The following FGF13 variants were observed in gnomAD, a reference collection of about 807,000 sequenced individuals.
FGF13 encodes fibroblast growth factor 13.
A neutral mutation model predicts 19.5 loss-of-function variants in FGF13; 2 were observed. The ratio of observed to expected loss-of-function variants is 0.10; its 90% CI spans 0.04 to 0.32. The LOEUF is 0.32. Among genes scored for constraint, FGF13 ranks in the 10% least tolerant of loss-of-function variants. The pLI, the probability that FGF13 is intolerant of heterozygous loss-of-function variation, is 1.00. For synonymous variants in FGF13, 72 were observed against 76.9 expected, an observed-to-expected ratio of 0.94 and a Z score of 0.33; for missense variants, 113 against 192.7, an observed-to-expected ratio of 0.59 and a Z score of 2.45.
intron 1 of FGF13, among the ~76,000 whole-genome samples, chrX:138,918,164 C>CAAG (rs1556298426): frequency 9.9e-6 from 1 of 101,330 alleles, no homozygotes; most frequent in Non-Finnish European, 2.0e-5. Context: ...AAACAGAAGA[C>CAAG]AAAAAAAAAA....
intron 1 of FGF13, among the ~76,000 whole-genome samples, chrX:138,923,554 C>T (rs5976224): frequency 0.023 from 2,605 of 111,937 alleles, 71 homozygotes; most frequent in African/African-American, 0.079. Context: ...TGCATTTTCA[C>T]TGAATGAATG....
rs1323914944 is a variant in FGF13, at chrX:138,903,811, C to G, written c.-112-39161G>C. On this transcript the variant is annotated intron_variant, in intron 1 of 2. Coordinates refer to the FGF13 transcript ENST00000421460. Reference sequence around the variant, plus strand: ...ATTTGCTCTGTTTATTTCACATATTCTTTCTCCCCCAAAATAGAGTATTCT... The same window carrying G: ...ATTTGCTCTGTTTATTTCACATATTGTTTCTCCCCCAAAATAGAGTATTCT... Among the ~76,000 whole-genome samples the G allele has an allele frequency of 1.3e-4, 14 of 111,703 alleles. No individual in the cohort carries two copies. In the Admixed American group the frequency reaches 1.3e-3, roughly 11 times the overall value.
chrX:139,044,501 A>G (rs2092280447), intron 1 of FGF13, among the ~76,000 whole-genome samples: 1 of 111,611 alleles, frequency 9.0e-6, no homozygotes, highest in Non-Finnish European at 1.9e-5. Flanking sequence ...CTCCAGCATT[A>G]GGGCTTACAA....
intron 1 of FGF13, among the ~76,000 whole-genome samples, chrX:139,047,554 A>C (rs1233217523): frequency 8.9e-6 from 1 of 111,881 alleles, no homozygotes; most frequent in Non-Finnish European, 1.9e-5. Context: ...CATGCTGTAC[A>C]ATACATCTCC....
intron 3 of FGF13, among the ~76,000 whole-genome samples, chrX:138,824,072 T>C (rs1216843477): frequency 2.7e-5 from 3 of 111,917 alleles, no homozygotes; most frequent in Non-Finnish European, 1.9e-5. Flanking sequence ...GGAAGACTGA[T>C]TGAGATCAAG....
chrX:138,925,508 T>C lies in FGF13; in HGVS notation c.-112-60858A>G, dbSNP rs145544566. 4.1e-3 allele frequency among the ~76,000 whole-genome samples: 463 copies of C among 111,718 alleles called. 1 individual carries two copies. The highest frequency in any genetic ancestry group is 0.014 in the African/African-American group (437 of 30,719). On this transcript the variant is annotated intron_variant, in intron 1 of 2. Transcript: ENST00000421460. Reference sequence around the variant, plus strand: ...GACTCTTTACGGAGCTCTCTGACAGTGCTAATTTTAACCAAGTCATTGTGA... The same window carrying C: ...GACTCTTTACGGAGCTCTCTGACAGCGCTAATTTTAACCAAGTCATTGTGA...
chrX:139,053,765 C>G (rs1406829475), intron 1 of FGF13, among the ~76,000 whole-genome samples: 1 of 111,648 alleles, frequency 9.0e-6, no homozygotes, highest in Non-Finnish European at 1.9e-5. Flanking sequence ...TTAAGTAAGT[C>G]CCAACTATTT....
At chrX:138,787,392 G>T (rs902275174) in intron 3 of FGF13, among the ~76,000 whole-genome samples, 2 of 112,006 alleles carry the variant, frequency 1.8e-5, no homozygotes, top group African/African-American at 6.5e-5. Context: ...ATTTCTCATA[G>T]TTCTTGAGGC....
intron 3 of FGF13, among the ~76,000 whole-genome samples, chrX:138,745,847 G>A (rs1415939101): frequency 9.0e-6 from 1 of 111,464 alleles, no homozygotes; most frequent in African/African-American, 3.3e-5. Flanking sequence ...CCTGCAGAAG[G>A]CAATCAGTGC....
chrX:138,622,983 T>G lies in FGF13; in HGVS notation c.*9867A>C, dbSNP rs1359663204. ...TATTTTATAGTTTTTAATATAAAGA[T>G]CTTTCACCTCCTTTGCTAAATTTAT... On this transcript the variant is annotated 3_prime_UTR_variant, in exon 5 of 5. Transcript: ENST00000315930. 8.9e-6 allele frequency: 1 copy of G among 112,199 alleles called. No homozygotes were observed. Among genetic ancestry groups the G allele is most frequent in the African/African-American group, 3.2e-5 (1 of 30,896 alleles). The allele number at this position is 112,199 out of a possible 1,213,427, so 9.2% of individuals were successfully genotyped here.
intron 3 of FGF13, among the ~76,000 whole-genome samples, chrX:138,649,697 A>G (rs748544823): frequency 4.4e-5 from 5 of 112,407 alleles, no homozygotes; most frequent in East Asian, 5.6e-4. Flanking sequence ...GTGCTGGTTT[A>G]TATCAACTAA....
chrX:139,149,168 T>C (rs902708630), intron 1 of FGF13, among the ~76,000 whole-genome samples: 1 of 111,990 alleles, frequency 8.9e-6, no homozygotes, highest in Non-Finnish European at 1.9e-5. Context: ...TTTTCTTCTA[T>C]TCTTTACTCT....
At chrX:138,799,015 C>G (rs1198980344) in intron 3 of FGF13, among the ~76,000 whole-genome samples, 1 of 111,830 alleles carries the variant, frequency 8.9e-6, no homozygotes, top group East Asian at 2.8e-4. Flanking sequence ...AAACCACCTC[C>G]TGGATTCATT....
At chrX:138,760,081 G>A (rs1381636007) in intron 3 of FGF13, among the ~76,000 whole-genome samples, 1 of 111,359 alleles carries the variant, frequency 9.0e-6, no homozygotes, top group Non-Finnish European at 1.9e-5. Context: ...GGAGTCCTCT[G>A]CTTTCTGAAC....
chrX:138,948,945 T>C (rs2091795917), intron 1 of FGF13, among the ~76,000 whole-genome samples: 1 of 111,816 alleles, frequency 8.9e-6, no homozygotes, highest in African/African-American at 3.3e-5. Flanking sequence ...ATTAGAGAGG[T>C]AAGGAACAGT....
At chrX:138,970,127 T>C (rs141637634) in intron 1 of FGF13, among the ~76,000 whole-genome samples, 1 of 111,678 alleles carries the variant, frequency 9.0e-6, no homozygotes, top group Non-Finnish European at 1.9e-5. Flanking sequence ...CACGCCTATT[T>C]ATTCCTCATG....
intron 1 of FGF13, among the ~76,000 whole-genome samples, chrX:139,139,116 A>G (rs936911762): frequency 1.8e-4 from 20 of 110,003 alleles, no homozygotes; most frequent in African/African-American, 6.6e-4. Flanking sequence ...TATTTTTACT[A>G]AAGACGTGGT....
chrX:139,143,587 G>C (rs191588137), intron 1 of FGF13, among the ~76,000 whole-genome samples: 1 of 111,951 alleles, frequency 8.9e-6, no homozygotes, highest in African/African-American at 3.2e-5. Flanking sequence ...TCTTCCCCAC[G>C]CTGTGGATGC....
intron 3 of FGF13, among the ~76,000 whole-genome samples, chrX:138,792,956 A>G (rs752796816): frequency 9.0e-6 from 1 of 111,718 alleles, no homozygotes; most frequent in Non-Finnish European, 1.9e-5. Flanking sequence ...TTGAGATAAG[A>G]TTATATTGGA....
Sources: allele counts gnomAD v4.1 joint callset (sites outside exome capture counted in the v4.1 genomes callset), GRCh38; gene constraint gnomAD v4.1.1; transcripts MANE v1.5; gene names NCBI Gene and HGNC (gene_info 2026-07-23, HGNC 2026-07-21).